Variants in PLCXD3 observed in about 807,000 individuals in gnomAD.
The protein encoded by PLCXD3 is PI-PLC X domain-containing protein 3.
A neutral mutation model predicts 25.5 loss-of-function variants in PLCXD3; 19 were observed. That is an observed-to-expected ratio of 0.75 (90% confidence interval 0.52 to 1.09). The LOEUF is 1.09. Ranked by LOEUF, PLCXD3 falls within the 50% of genes least tolerant of loss-of-function variation. PLCXD3 has a pLI of 0.00. For synonymous variants in PLCXD3, 174 were observed against 137.6 expected, an observed-to-expected ratio of 1.26 and a Z score of -1.85; for missense variants, 411 against 388.1, an observed-to-expected ratio of 1.06 and a Z score of -0.50.
At chr5:41,388,276 G>A (rs1390651570) in intron 1 of PLCXD3, among the ~76,000 whole-genome samples, 1 of 152,000 alleles carries the variant, frequency 6.6e-6, no homozygotes, top group Non-Finnish European at 1.5e-5. Context: ...TGTGTTCAAG[G>A]CACTTACAAT....
At position 41,382,262 on chromosome 5, in the gene PLCXD3, C is replaced by T. The variant is rs148305120; in HGVS notation, c.376G>A (p.Glu126Lys). ...LFSAKVNEGL[E>K]EINAFLTDHH... is the part of the protein sequence containing the mutation. ...TCTGTGAGGAATGCATTGATCTCCT[C>T]AAGGCCTTCATTGACTTTGGCACTG... is the stretch of plus-strand genomic sequence containing the variant. Residue 126 changes from glutamate to lysine, a missense_variant, in exon 2 of 3, where the codon GAG (glutamate) becomes AAG (lysine). Transcript: ENST00000377801. 1.9e-6 allele frequency: 3 copies of T among 1,613,734 alleles called. No homozygotes were observed. The highest frequency in any genetic ancestry group is 1.3e-5 in the African/African-American group (1 of 75,006).
At position 41,452,750 on chromosome 5, in the gene PLCXD3, CAGCT is replaced by C. The variant is rs546287570; in HGVS notation, c.103+57670_103+57673del. ...TTTTTTTGTGCAATGCTGGCAAGCTCAGCTAGTATCAGAAATTTGAAAGCATTTC... is the reference window on the plus strand; with the variant it reads ...TTTTTTTGTGCAATGCTGGCAAGCTCAGTATCAGAAATTTGAAAGCATTTC... On this transcript the variant is annotated intron_variant, in intron 1 of 2. Transcript: ENST00000377801. Among the ~76,000 whole-genome samples the C allele has an allele frequency of 1.1e-4, 17 of 152,088 alleles. No homozygotes were observed. In the South Asian group the frequency reaches 3.1e-3, roughly 28 times the overall value.
chr5:41,360,338 C>A (rs1278677516), intron 2 of PLCXD3, among the ~76,000 whole-genome samples: 1 of 152,154 alleles, frequency 6.6e-6, no homozygotes, highest in Non-Finnish European at 1.5e-5. Flanking sequence ...AATCAACCTT[C>A]TGAATTATTT....
intron 1 of PLCXD3, among the ~76,000 whole-genome samples, chr5:41,427,603 C>T (rs1350194520): frequency 6.6e-6 from 1 of 152,148 alleles, no homozygotes; most frequent in Non-Finnish European, 1.5e-5. Context: ...ACTTATCAGT[C>T]TGCTGCCTAA....
At chr5:41,317,705 A>G (rs186536960) in intron 2 of PLCXD3, among the ~76,000 whole-genome samples, 1 of 152,152 alleles carries the variant, frequency 6.6e-6, no homozygotes, top group Admixed American at 6.5e-5. Context: ...AATTTTCTGG[A>G]GCTGAAAAAT....
chr5:41,490,677 C>T (rs1580399687), intron 1 of PLCXD3, among the ~76,000 whole-genome samples: 1 of 152,058 alleles, frequency 6.6e-6, no homozygotes, highest in African/African-American at 2.4e-5. Context: ...GTGTATGTGT[C>T]GAGGAATTTA....
chr5:41,331,687 A>G (rs1346896317), intron 2 of PLCXD3, among the ~76,000 whole-genome samples: 1 of 152,178 alleles, frequency 6.6e-6, no homozygotes, highest in African/African-American at 2.4e-5. Flanking sequence ...ACCTGACTTC[A>G]AACTATACTA....
In PLCXD3 at chr5:41,497,772, C is replaced by T. The variant is rs976401381; in HGVS notation, c.103+12652G>A. The stretch of plus-strand genomic sequence containing the variant: ...GGAATGTTCTCCAAGGTTGATCACA[C>T]GATAGGCCCCAAAACAAATCTTAAC... On this transcript the variant is annotated intron_variant, in intron 1 of 2. Transcript: ENST00000377801. Among the ~76,000 whole-genome samples, 7 of 151,708 alleles carry T rather than the reference C, an allele frequency of 4.6e-5. No individual in the cohort carries two copies. In the East Asian group the frequency reaches 5.8e-4, roughly 13 times the overall value.
intron 2 of PLCXD3, among the ~76,000 whole-genome samples, chr5:41,352,751 G>A (rs1744500284): frequency 6.6e-6 from 1 of 152,014 alleles, no homozygotes; most frequent in Admixed American, 6.6e-5. Context: ...GGAGACAAAT[G>A]GTTTTTTAAC....
At chr5:41,425,505 C>T (rs1746934444) in intron 1 of PLCXD3, among the ~76,000 whole-genome samples, 1 of 152,146 alleles carries the variant, frequency 6.6e-6, no homozygotes, top group African/African-American at 2.4e-5. Flanking sequence ...CCATAGTTCA[C>T]ATTAGCATTT....
chr5:41,462,797 A>G (rs1289200899), intron 1 of PLCXD3, among the ~76,000 whole-genome samples: 1 of 151,424 alleles, frequency 6.6e-6, no homozygotes, highest in Non-Finnish European at 1.5e-5. Flanking sequence ...AAAGAAAAAA[A>G]AAAGAAAAAG....
At chr5:41,446,020 T>C (rs1021899521) in intron 1 of PLCXD3, among the ~76,000 whole-genome samples, 8 of 149,810 alleles carry the variant, frequency 5.3e-5, no homozygotes, top group African/African-American at 1.9e-4. Context: ...ACCCCGTGTC[T>C]ACTAAAAATA....
chr5:41,417,618 A>G (rs1045468799), intron 1 of PLCXD3, among the ~76,000 whole-genome samples: 23 of 152,228 alleles, frequency 1.5e-4, no homozygotes, highest in African/African-American at 5.5e-4. Context: ...CATTGATATT[A>G]ACTACTCTCT....
intron 1 of PLCXD3, among the ~76,000 whole-genome samples, chr5:41,489,238 G>A (rs1480890440): frequency 1.3e-5 from 2 of 152,178 alleles, no homozygotes; most frequent in Non-Finnish European, 2.9e-5. Flanking sequence ...TCAGATAGCT[G>A]TAGATAAGCG....
At chr5:41,350,699 C>G (rs1744434803) in intron 2 of PLCXD3, among the ~76,000 whole-genome samples, 1 of 152,100 alleles carries the variant, frequency 6.6e-6, no homozygotes, top group African/African-American at 2.4e-5. Context: ...GAGTGTCCAC[C>G]TAGAAAATAG....
At chr5:41,508,521 G>A (rs186777046) in intron 1 of PLCXD3, among the ~76,000 whole-genome samples, 2 of 152,226 alleles carry the variant, frequency 1.3e-5, no homozygotes, top group Non-Finnish European at 1.5e-5. Flanking sequence ...AATAGTGCCA[G>A]CACTCCCTGC....
chr5:41,338,296 C>A (rs1214647410), intron 2 of PLCXD3, among the ~76,000 whole-genome samples: 1 of 151,744 alleles, frequency 6.6e-6, no homozygotes, highest in Non-Finnish European at 1.5e-5. Flanking sequence ...CTTTGATGTT[C>A]ACAATACACA....
intron 1 of PLCXD3, among the ~76,000 whole-genome samples, chr5:41,480,632 C>T (rs1222015589): frequency 1.3e-5 from 2 of 151,862 alleles, no homozygotes; most frequent in African/African-American, 4.8e-5. Flanking sequence ...AAAAGTATAG[C>T]ATAGTGGGCC....
At chr5:41,434,143 T>C (rs983663224) in intron 1 of PLCXD3, among the ~76,000 whole-genome samples, 1 of 152,210 alleles carries the variant, frequency 6.6e-6, no homozygotes, top group African/African-American at 2.4e-5. Flanking sequence ...CTGTGGATCC[T>C]TGTGGCTTTT....
Sources: allele counts gnomAD v4.1 joint callset (sites outside exome capture counted in the v4.1 genomes callset), GRCh38; gene constraint gnomAD v4.1.1; transcripts MANE v1.5; gene names NCBI Gene and HGNC (gene_info 2026-07-23, HGNC 2026-07-21).